The following GLCCI1 variants were observed in gnomAD, a reference collection of about 807,000 sequenced individuals.
GLCCI1 encodes glucocorticoid-induced transcript 1 protein.
Under a neutral mutation model 52.2 loss-of-function variants are expected in GLCCI1, and 24 were observed. That is an observed-to-expected ratio of 0.46 (90% CI 0.33 to 0.65). GLCCI1 has a LOEUF of 0.65. Ranked by LOEUF, GLCCI1 falls within the 30% of genes least tolerant of loss-of-function variation. The pLI, the probability that GLCCI1 is intolerant of heterozygous loss-of-function variation, is 0.02. For synonymous variants in GLCCI1, 310 were observed against 276.5 expected (o/e 1.12, Z -1.20); for missense variants, 704 against 701.5 (o/e 1.00, Z -0.04).
intron 2 of GLCCI1, among the ~76,000 whole-genome samples, chr7:8,007,133 A>T (rs543503764): frequency 2.0e-4 from 31 of 152,300 alleles, no homozygotes; most frequent in Non-Finnish European, 3.4e-4. Flanking sequence ...TTTGAGGTCC[A>T]GGATAAGGGC....
At chr7:8,055,110 T>C (rs191594091) in intron 3 of GLCCI1, among the ~76,000 whole-genome samples, 5 of 152,296 alleles carry the variant, frequency 3.3e-5, no homozygotes, top group African/African-American at 1.2e-4. Context: ...TTTGAAATAT[T>C]ATTTTTCATC....
intron 6 of GLCCI1, among the ~76,000 whole-genome samples, chr7:8,079,073 G>A (rs1782935889): frequency 6.6e-6 from 1 of 152,126 alleles, no homozygotes; most frequent in Non-Finnish European, 1.5e-5. Flanking sequence ...ATTTAAAATT[G>A]TAGTGAAATT....
chr7:7,990,898 T>A (rs575293536), intron 1 of GLCCI1, among the ~76,000 whole-genome samples: 1 of 152,122 alleles, frequency 6.6e-6, no homozygotes, highest in African/African-American at 2.4e-5. Context: ...TAGTTGTGTT[T>A]CCTAGTAAAC....
rs1783114649 is a variant in GLCCI1 at position 8,086,717 on chromosome 7, G to C, written c.*179G>C. 1.7e-6 allele frequency: 1 copy of C among 593,798 alleles called. No individual in the cohort carries two copies. 36.8% of individuals were successfully genotyped at this position (593,798 alleles called of 1,614,324 possible). A position where few individuals can be genotyped will look rare whatever the true frequency, so the allele number is the denominator to read the frequency against. ...GAACTCCTATTCAGCAGTTTTTGTG[G>C]AAAGCAGTAATGCTTGCAAAACGTG... On this transcript the variant is annotated 3_prime_UTR_variant, in exon 8 of 8. Coordinates refer to ENST00000223145, the MANE Select transcript of GLCCI1 (RefSeq NM_138426.4). The surrounding 1 kb of genome is among the most constrained non-coding windows in gnomAD (Gnocchi z 4.4).
intron 1 of GLCCI1, among the ~76,000 whole-genome samples, chr7:7,995,247 G>T (rs1053623548): frequency 6.6e-6 from 1 of 152,210 alleles, no homozygotes; most frequent in Non-Finnish European, 1.5e-5. Context: ...TGTTTGACCA[G>T]TAATATTAGT....
intron 3 of GLCCI1, among the ~76,000 whole-genome samples, chr7:8,051,235 A>T (rs907321355): frequency 2.0e-5 from 3 of 152,242 alleles, no homozygotes; most frequent in Non-Finnish European, 4.4e-5. Context: ...GTTGTTAGAA[A>T]TGTCATTAGC....
intron 3 of GLCCI1, among the ~76,000 whole-genome samples, chr7:8,051,224 C>T (rs952805120): frequency 1.3e-5 from 2 of 152,086 alleles, no homozygotes; most frequent in Non-Finnish European, 2.9e-5. Context: ...TTCTAATGTC[C>T]GTTGTTAGAA....
intron 5 of GLCCI1, among the ~76,000 whole-genome samples, chr7:8,067,081 T>C (rs1339229482): frequency 6.6e-6 from 1 of 152,246 alleles, no homozygotes; most frequent in Non-Finnish European, 1.5e-5. Flanking sequence ...TGGGTGCATA[T>C]ATATTTAGGA....
chr7:7,970,400 C>A (rs942932511), intron 1 of GLCCI1: 1 of 148,816 alleles, frequency 6.7e-6, no homozygotes, highest in Non-Finnish European at 1.5e-5. Flanking sequence ...CCCCCCGCCA[C>A]CCCGCCTCTC....
intron 6 of GLCCI1, among the ~76,000 whole-genome samples, chr7:8,072,970 C>T (rs768374366): frequency 2.6e-5 from 4 of 152,132 alleles, no homozygotes; most frequent in Non-Finnish European, 5.9e-5. Context: ...CTGTAGTTCA[C>T]AGGTCTTCAC....
At chr7:8,023,881 G>C in intron 3 of GLCCI1, among the ~76,000 whole-genome samples, 1 of 151,984 alleles carries the variant, frequency 6.6e-6, no homozygotes, top group Non-Finnish European at 1.5e-5. Flanking sequence ...TTACAGGCAT[G>C]AACCACCACA....
In GLCCI1 at chr7:8,087,636, G is replaced by GTGAC. The variant is rs1412084293; in HGVS notation, c.*1099_*1102dup. Reference sequence around the variant, plus strand: ...AATTCTTTATTTTGCAGGTGAAAAAGTGACATACTTTTTGTTATTGTCTTC... The same window carrying GTGAC: ...AATTCTTTATTTTGCAGGTGAAAAAGTGACTGACATACTTTTTGTTATTGTCTTC... On this transcript the variant is annotated 3_prime_UTR_variant, in exon 8 of 8. Coordinates refer to ENST00000223145, the MANE Select transcript of GLCCI1 (RefSeq NM_138426.4). 3 of 152,482 alleles carry GTGAC rather than the reference G, an allele frequency of 2.0e-5. No individual in the cohort carries two copies. The highest frequency in any genetic ancestry group is 4.4e-5 in the Non-Finnish European group (3 of 68,020). 9.4% of individuals were successfully genotyped at this position (152,482 alleles called of 1,614,324 possible). A position where few individuals can be genotyped will look rare whatever the true frequency, so the allele number is the denominator to read the frequency against.
chr7:8,055,743 A>T (rs1264250163), intron 4 of GLCCI1, 194 bp downstream of exon 4: 2 of 399,070 alleles, frequency 5.0e-6, no homozygotes, highest in Non-Finnish European at 9.2e-6. Context: ...TAATCCCAGC[A>T]CTTTGGGAGG....
chr7:8,083,447 A>G (rs1220063491), intron 6 of GLCCI1, among the ~76,000 whole-genome samples: 3 of 152,186 alleles, frequency 2.0e-5, no homozygotes, highest in African/African-American at 7.2e-5. Context: ...CAGCAAATTC[A>G]GACCTCCAAT....
chr7:8,036,361 A>G (rs1260768753), intron 3 of GLCCI1, among the ~76,000 whole-genome samples: 1 of 152,238 alleles, frequency 6.6e-6, no homozygotes, highest in East Asian at 1.9e-4. Flanking sequence ...CCAAAAGGCC[A>G]TACACAACAT....
At chr7:8,085,770 G>A (rs1332719753) in intron 7 of GLCCI1, among the ~76,000 whole-genome samples, 1 of 152,106 alleles carries the variant, frequency 6.6e-6, no homozygotes, top group Non-Finnish European at 1.5e-5. Flanking sequence ...ATCTGTGCTA[G>A]CGGAAGTCTA....
intron 6 of GLCCI1, among the ~76,000 whole-genome samples, chr7:8,074,520 C>T (rs894584186): frequency 2.6e-5 from 4 of 152,078 alleles, no homozygotes; most frequent in African/African-American, 9.7e-5. Context: ...CCCATCTCTA[C>T]TAAAAATACA....
rs142286588 is a variant in GLCCI1 at position 8,070,864 on chromosome 7, C to A, written c.967-57C>A. ...AATCAAGGGAAATACTATGTGCTTT[C>A]TATGTAGATGAATATATGCACCAGC... On this transcript the variant is annotated intron_variant, in intron 5 of 7. Transcript: ENST00000223145. 1,053 of 1,438,138 alleles carry A rather than the reference C, an allele frequency of 7.3e-4. 9 individuals carry two copies. The African/African-American group carries it at 0.014, about 18-fold the overall frequency. The allele number at this position is 1,438,138 out of a possible 1,614,324, so 89.1% of individuals were successfully genotyped here. A position where few individuals can be genotyped will look rare whatever the true frequency, so the allele number is the denominator to read the frequency against.
At chr7:7,976,900 T>G (rs558147772) in intron 1 of GLCCI1, among the ~76,000 whole-genome samples, 7 of 149,882 alleles carry the variant, frequency 4.7e-5, no homozygotes, top group African/African-American at 1.7e-4. Flanking sequence ...CCAGCCTGGG[T>G]GCTAGAGTGG....
Sources: allele counts gnomAD v4.1 joint callset (sites outside exome capture counted in the v4.1 genomes callset), GRCh38; gene constraint gnomAD v4.1.1; non-coding constraint Gnocchi (gnomAD v3.1); transcripts MANE v1.5; gene names NCBI Gene and HGNC (gene_info 2026-07-23, HGNC 2026-07-21).